Variants in SLC22A3 observed in about 807,000 individuals in gnomAD.
SLC22A3 encodes solute carrier family 22 member 3, also known as EMT organic cation transporter 3.
A neutral mutation model predicts 59.1 loss-of-function variants in SLC22A3; 51 were observed. The ratio of observed to expected loss-of-function variants is 0.86; its 90% CI spans 0.69 to 1.09. The LOEUF (loss-of-function observed/expected upper bound fraction) is 1.09. Among genes scored for constraint, SLC22A3 ranks in the 50% least tolerant of loss-of-function variants. The pLI is 0.00. For missense variants in SLC22A3, 711 were observed against 726.3 expected, an observed-to-expected ratio of 0.98 and a Z score of 0.24; for synonymous variants, 325 against 292.0, an observed-to-expected ratio of 1.11 and a Z score of -1.15.
At chr6:160,351,600 T>A (rs1393795453) in intron 1 of SLC22A3, among the ~76,000 whole-genome samples, 1 of 152,254 alleles carries the variant, frequency 6.6e-6, no homozygotes, top group African/African-American at 2.4e-5. Context: ...TCAAATTCTG[T>A]CTGATGAAAG....
intron 7 of SLC22A3, among the ~76,000 whole-genome samples, chr6:160,438,361 G>A (rs542623798): frequency 3.3e-5 from 5 of 152,282 alleles, no homozygotes; most frequent in Admixed American, 2.6e-4. Context: ...GGGGATTACA[G>A]AGAAAGCTGG....
At position 160,411,612 on chromosome 6, in the gene SLC22A3, C is replaced by T. The variant is rs140796855; in HGVS notation, c.975+766C>T. On this transcript the variant is annotated intron_variant, in intron 5 of 10. Transcript: ENST00000275300. ...TAAAAACTATGTGGGCATGGTGGCA[C>T]GCACCTGTTGTCTCAGCTACTCAGG... Among the ~76,000 whole-genome samples, 12 of 152,176 alleles carry T rather than the reference C, an allele frequency of 7.9e-5. No homozygotes were observed. The East Asian group carries it at 1.5e-3, about 20-fold the overall frequency.
chr6:160,372,173 T>C lies in SLC22A3; in HGVS notation c.429+23325T>C, dbSNP rs6908952. Among the ~76,000 whole-genome samples, 1,248 of 152,318 alleles carry C rather than the reference T, an allele frequency of 8.2e-3. 17 individuals are homozygous for C. Among genetic ancestry groups the C allele is most frequent in the African/African-American group, 0.029 (1,186 of 41,568 alleles). On this transcript the variant is annotated intron_variant, in intron 1 of 10. Transcript: ENST00000275300. Reference sequence around the variant, plus strand: ...TGGGTACTCTTGTATTGTGTACATATATATTTAGGATAGTTAGCTCTTTTT... The same window carrying C: ...TGGGTACTCTTGTATTGTGTACATACATATTTAGGATAGTTAGCTCTTTTT...
In SLC22A3 at chr6:160,410,717, C is replaced by T. The variant is rs776320466; in HGVS notation, c.858-12C>T. 2.5e-6 allele frequency: 4 copies of T among 1,572,426 alleles called. No homozygotes were observed. The highest frequency in any genetic ancestry group is 3.5e-6 in the Non-Finnish European group (4 of 1,142,474). On this transcript the variant is annotated splice_polypyrimidine_tract_variant and intron_variant, in intron 4 of 10. Coordinates refer to ENST00000275300, the MANE Select transcript of SLC22A3 (RefSeq NM_021977.4). ...CCTAGACATAACTCACAACAGCCTC[C>T]TTCTTTGCCAGGGTGGTCCCTGAGT...
rs150016165 is a variant in SLC22A3 at position 160,355,489 on chromosome 6, C to T, written c.429+6641C>T. 1.5e-3 allele frequency among the ~76,000 whole-genome samples: 234 copies of T among 152,058 alleles called. 1 individual carries two copies. The highest frequency in any genetic ancestry group is 7.6e-3 in the East Asian group (39 of 5,156). Reference sequence around the variant, plus strand: ...ATACCTGTCTTTCCTCGGCCGGGCACGGTGGCTCACACCTGTAATCCCAGC... The same window carrying T: ...ATACCTGTCTTTCCTCGGCCGGGCATGGTGGCTCACACCTGTAATCCCAGC... On this transcript the variant is annotated intron_variant, in intron 1 of 10. Coordinates refer to ENST00000275300, the MANE Select transcript of SLC22A3 (RefSeq NM_021977.4).
At chr6:160,400,984 G>GAAA (rs58532600) in intron 2 of SLC22A3, among the ~76,000 whole-genome samples, 17 of 78,516 alleles carry the variant, frequency 2.2e-4, no homozygotes, top group Non-Finnish European at 2.8e-4. Flanking sequence ...CTCCAAAACT[G>GAAA]AAAAAAAAAA....
chr6:160,348,806 C>G lies in SLC22A3; in HGVS notation c.387C>G (p.Gly129=). The G allele has an allele frequency of 6.3e-7, 1 of 1,579,762 alleles. No individual in the cohort carries two copies. Among genetic ancestry groups the G allele is most frequent in the Non-Finnish European group, 8.5e-7 (1 of 1,171,250 alleles). ...CGGCTCCCCTTGTGCCGTGCCGCGG[C>G]GGCTGGCGCTACGCCCAGGCCCACT... is the stretch of plus-strand genomic sequence containing the variant. ...NRSAPLVPCR[G]GWRYAQAHST... The change falls in exon 1 of 11, where the codon GGC becomes GGG. Residue 129 remains glycine (G), a synonymous_variant. Coordinates refer to ENST00000275300, the MANE Select transcript of SLC22A3 (RefSeq NM_021977.4).
intron 5 of SLC22A3, among the ~76,000 whole-genome samples, chr6:160,432,492 G>C (rs1031063469): frequency 2.0e-5 from 3 of 147,970 alleles, no homozygotes; most frequent in African/African-American, 7.5e-5. Context: ...GCAATGGCAC[G>C]ATCTCGGCTC....
chr6:160,383,607 C>G (rs1785879016), intron 1 of SLC22A3, among the ~76,000 whole-genome samples: 1 of 151,922 alleles, frequency 6.6e-6, no homozygotes, highest in South Asian at 2.1e-4. Flanking sequence ...AAAACACAAT[C>G]AATACAAAAA....
At chr6:160,391,646 C>T (rs1376266451) in intron 1 of SLC22A3, among the ~76,000 whole-genome samples, 1 of 152,190 alleles carries the variant, frequency 6.6e-6, no homozygotes, top group Non-Finnish European at 1.5e-5. Flanking sequence ...TAGAACCTTT[C>T]ATCTTCTTCT....
chr6:160,418,890 T>C (rs984950357), intron 5 of SLC22A3, among the ~76,000 whole-genome samples: 2 of 152,246 alleles, frequency 1.3e-5, no homozygotes, highest in African/African-American at 4.8e-5. Flanking sequence ...TAAGCTTTGA[T>C]CGTAGTTTCC....
intron 1 of SLC22A3, among the ~76,000 whole-genome samples, chr6:160,355,539 A>G (rs1247515547): frequency 2.0e-5 from 3 of 151,886 alleles, no homozygotes; most frequent in Non-Finnish European, 4.4e-5. Flanking sequence ...AGGTGGGCAG[A>G]TCACGAGGTC....
intron 5 of SLC22A3, among the ~76,000 whole-genome samples, chr6:160,420,490 T>C (rs1158312447): frequency 6.6e-6 from 1 of 152,234 alleles, no homozygotes; most frequent in Non-Finnish European, 1.5e-5. Context: ...CATTCCACAT[T>C]ATGGTCCCAT....
intron 5 of SLC22A3, among the ~76,000 whole-genome samples, chr6:160,414,990 C>T (rs1216184784): frequency 4.6e-5 from 7 of 152,148 alleles, no homozygotes; most frequent in Non-Finnish European, 7.4e-5. Flanking sequence ...CTCTTTAGCA[C>T]GATGAGATTT....
intron 1 of SLC22A3, among the ~76,000 whole-genome samples, chr6:160,391,642 C>A (rs1450684684): frequency 6.6e-6 from 1 of 151,978 alleles, no homozygotes; most frequent in Non-Finnish European, 1.5e-5. Flanking sequence ...TATTTAGAAC[C>A]TTTCATCTTC....
At chr6:160,410,414 C>A (rs1562489905) in intron 4 of SLC22A3, among the ~76,000 whole-genome samples, 1 of 152,150 alleles carries the variant, frequency 6.6e-6, no homozygotes, top group Non-Finnish European at 1.5e-5. Context: ...GATTCCTAAG[C>A]TTTTCTTAAT....
intron 1 of SLC22A3, among the ~76,000 whole-genome samples, chr6:160,368,391 T>C (rs1350656345): frequency 6.6e-6 from 1 of 152,136 alleles, no homozygotes; most frequent in Non-Finnish European, 1.5e-5. Context: ...GATTTCCACC[T>C]GCCTACCACA....
At chr6:160,430,445 TG>T (rs945880465) in intron 5 of SLC22A3, among the ~76,000 whole-genome samples, 7 of 152,288 alleles carry the variant, frequency 4.6e-5, no homozygotes, top group East Asian at 3.9e-4. Context: ...TTCTCTTCTT[TG>T]GCAATTTAAA....
At chr6:160,397,913 A>C (rs1786567096) in intron 1 of SLC22A3, 66 bp from the exon 2 acceptor site, 1 of 1,213,224 alleles carries the variant, frequency 8.2e-7, no homozygotes, top group African/African-American at 1.5e-5. Flanking sequence ...ATCTATACAA[A>C]AGATAAGGTG....
Sources: gnomAD v4.1 joint callset for allele counts (sites outside exome capture counted in the v4.1 genomes callset) on GRCh38, gnomAD v4.1.1 for gene constraint, MANE v1.5 for transcripts, NCBI Gene and HGNC (gene_info 2026-07-23, HGNC 2026-07-21) for gene names.